Variants in LRP1B observed in about 807,000 individuals in gnomAD.
The protein encoded by LRP1B is low-density lipoprotein receptor-related protein 1B.
A neutral mutation model predicts 556.6 loss-of-function variants in LRP1B; 217 were observed. The ratio of observed to expected loss-of-function variants is 0.39; its 90% CI spans 0.35 to 0.44. The LOEUF is 0.44. Among genes scored for constraint, LRP1B ranks in the 20% least tolerant of loss-of-function variants. The pLI is 1.00. For missense variants in LRP1B, 5,053 were observed against 5,620.8 expected (o/e 0.90, Z 3.23); for synonymous variants, 2,047 against 1,865.8 (o/e 1.10, Z -2.50).
chr2:141,835,831 T>C (rs1697258016), intron 1 of LRP1B, among the ~76,000 whole-genome samples: 1 of 151,868 alleles, frequency 6.6e-6, no homozygotes, highest in African/African-American at 2.4e-5. Context: ...GACATATATA[T>C]TTAAAAACAA....
intron 2 of LRP1B, among the ~76,000 whole-genome samples, chr2:141,555,262 G>T (rs1270568233): frequency 8.6e-5 from 13 of 151,976 alleles, no homozygotes; most frequent in Non-Finnish European, 1.8e-4. Context: ...CAATCAGATT[G>T]ATCAGAGGAA....
At chr2:141,899,534 G>A (rs919438861) in intron 1 of LRP1B, among the ~76,000 whole-genome samples, 1 of 152,100 alleles carries the variant, frequency 6.6e-6, no homozygotes, top group African/African-American at 2.4e-5. Flanking sequence ...ATTCAGGTGA[G>A]AGCTAGCTTT....
Position 141,456,014 on chromosome 2 carries a change from A to T in LRP1B, c.343+24382T>A, listed in dbSNP as rs529997039. Among the ~76,000 whole-genome samples, 22 of 152,324 alleles carry T rather than the reference A, an allele frequency of 1.4e-4. No individual in the cohort carries two copies. The South Asian group carries it at 4.6e-3, about 32-fold the overall frequency. ...TCCATGGGCTTCTGGCTGAGTACAA[A>T]CAGCAGGAAGCAGTGACTGGAAAGA... is the stretch of plus-strand genomic sequence containing the variant. On this transcript the variant is annotated intron_variant, in intron 3 of 90. Coordinates refer to ENST00000389484, the MANE Select transcript of LRP1B (RefSeq NM_018557.3).
chr2:141,936,242 CA>C (rs1239114439), intron 1 of LRP1B, among the ~76,000 whole-genome samples: 2 of 151,492 alleles, frequency 1.3e-5, no homozygotes, highest in Non-Finnish European at 2.9e-5. Flanking sequence ...AAACCAAAAA[CA>C]AAACAAAAAG....
chr2:140,395,158 T>C (rs1684195301), intron 66 of LRP1B, among the ~76,000 whole-genome samples: 1 of 152,232 alleles, frequency 6.6e-6, no homozygotes, highest in African/African-American at 2.4e-5. Flanking sequence ...CTAATAGTAA[T>C]GTTGTTATCT....
chr2:140,899,571 T>G (rs1365359924), intron 23 of LRP1B, among the ~76,000 whole-genome samples: 1 of 152,216 alleles, frequency 6.6e-6, no homozygotes, highest in African/African-American at 2.4e-5. Flanking sequence ...AAGTAATTTG[T>G]GAGAGGCTGG....
At chr2:140,437,511 A>T (rs1686237677) in intron 66 of LRP1B, among the ~76,000 whole-genome samples, 2 of 152,206 alleles carry the variant, frequency 1.3e-5, no homozygotes, top group Non-Finnish European at 2.9e-5. Context: ...AATACTGATT[A>T]AAAATACTAC....
At chr2:140,775,808 G>A (rs1313856093) in intron 33 of LRP1B, among the ~76,000 whole-genome samples, 2 of 151,968 alleles carry the variant, frequency 1.3e-5, no homozygotes, top group East Asian at 3.9e-4. Flanking sequence ...TATATATTTT[G>A]CCAGGATATA....
At chr2:140,620,858 A>G (rs930054125) in intron 41 of LRP1B, among the ~76,000 whole-genome samples, 8 of 152,302 alleles carry the variant, frequency 5.3e-5, no homozygotes, top group African/African-American at 1.9e-4. Flanking sequence ...TATAACAATT[A>G]TCCTGAACTC....
At chr2:140,792,840 T>C (rs530080478) in intron 32 of LRP1B, among the ~76,000 whole-genome samples, 200 of 152,062 alleles carry the variant, frequency 1.3e-3, no homozygotes, top group Non-Finnish European at 2.4e-3. Flanking sequence ...GCCTTAAAAA[T>C]GTGTAAAATA....
chr2:141,718,965 G>C (rs1001757390), intron 2 of LRP1B, among the ~76,000 whole-genome samples: 2 of 130,064 alleles, frequency 1.5e-5, no homozygotes, highest in African/African-American at 6.2e-5. Flanking sequence ...AATAAGTACT[G>C]GGTATTTTGC....
intron 1 of LRP1B, among the ~76,000 whole-genome samples, chr2:142,045,152 A>G (rs923579303): frequency 1.5e-4 from 23 of 151,390 alleles, no homozygotes; most frequent in African/African-American, 5.1e-4. Flanking sequence ...GAAAAAAAAA[A>G]AAAACAACAA....
intron 7 of LRP1B, among the ~76,000 whole-genome samples, chr2:141,180,873 C>T (rs1243144515): frequency 1.3e-5 from 2 of 151,890 alleles, no homozygotes; most frequent in African/African-American, 2.4e-5. Flanking sequence ...TGAGCAGGCT[C>T]ATCTAAGTGA....
At chr2:142,118,193 T>C (rs1184858189) in intron 1 of LRP1B, among the ~76,000 whole-genome samples, 1 of 152,156 alleles carries the variant, frequency 6.6e-6, no homozygotes, top group Non-Finnish European at 1.5e-5. Context: ...CAAATTGCAC[T>C]CAACTCTCAC....
chr2:140,510,236 TAAG>T (rs1689595984), intron 51 of LRP1B, among the ~76,000 whole-genome samples, 180 bp from the exon 52 acceptor site: 1 of 152,200 alleles, frequency 6.6e-6, no homozygotes, highest in South Asian at 2.1e-4. Context: ...CATTTTTATC[TAAG>T]AAGGCATTCT....
chr2:140,489,449 A>G (rs1231474533), intron 57 of LRP1B, among the ~76,000 whole-genome samples: 2 of 152,142 alleles, frequency 1.3e-5, no homozygotes, highest in Non-Finnish European at 2.9e-5. Context: ...GGTAACTGAT[A>G]TTCAGTCACA....
chr2:141,446,286 T>C (rs1176266002), intron 3 of LRP1B, among the ~76,000 whole-genome samples: 2 of 152,216 alleles, frequency 1.3e-5, no homozygotes, highest in African/African-American at 2.4e-5. Flanking sequence ...CATTCCTTTA[T>C]TTTGAGTCTA....
chr2:140,919,686 T>C (rs771795079), intron 21 of LRP1B, among the ~76,000 whole-genome samples: 1 of 152,060 alleles, frequency 6.6e-6, no homozygotes, highest in Non-Finnish European at 1.5e-5. Context: ...CTGTGCTATA[T>C]TTCTGTTACT....
chr2:141,443,513 T>C (rs1453888362), intron 3 of LRP1B, among the ~76,000 whole-genome samples: 1 of 152,200 alleles, frequency 6.6e-6, no homozygotes, highest in Non-Finnish European at 1.5e-5. Flanking sequence ...CCCATTCCTG[T>C]CCTGAATGGT....
Sources: gnomAD v4.1 joint callset for allele counts (sites outside exome capture counted in the v4.1 genomes callset) on GRCh38, gnomAD v4.1.1 for gene constraint, MANE v1.5 for transcripts, NCBI Gene and HGNC (gene_info 2026-07-23, HGNC 2026-07-21) for gene names.